FCHSD2: variants seen among roughly 807,000 people sequenced by gnomAD.
FCHSD2 encodes the protein FCH and double SH3 domains 2.
A neutral mutation model predicts 108.1 loss-of-function variants in FCHSD2; 38 were observed. That is an observed-to-expected ratio of 0.35 (90% CI 0.27 to 0.46). The LOEUF is 0.46. Among genes scored for constraint, FCHSD2 ranks in the 20% least tolerant of loss-of-function variants. FCHSD2 has a pLI of 1.00. For missense variants in FCHSD2, 751 were observed against 897.8 expected (o/e 0.84, Z 2.09); for synonymous variants, 279 against 314.7 (o/e 0.89, Z 1.20).
chr11:72,970,014 A>G (rs921182869), intron 8 of FCHSD2, among the ~76,000 whole-genome samples: 2 of 152,194 alleles, frequency 1.3e-5, no homozygotes, highest in African/African-American at 4.8e-5. Flanking sequence ...GTATTTTGTG[A>G]CATGATTACA....
At chr11:72,840,550 A>G (rs527897973) in intron 19 of FCHSD2, among the ~76,000 whole-genome samples, 1 of 152,340 alleles carries the variant, frequency 6.6e-6, no homozygotes, top group Admixed American at 6.5e-5. Flanking sequence ...AGAGGCCTGG[A>G]AAATTAAATG....
rs2135203930 is a variant in FCHSD2 at position 72,867,757 on chromosome 11, C to A, written c.1308+108G>T. The A allele has an allele frequency of 4.6e-6, 4 of 870,160 alleles. 1 individual carries two copies. The East Asian group carries it at 1.1e-4, about 24-fold the overall frequency. 53.9% of individuals were successfully genotyped at this position (870,160 alleles called of 1,614,324 possible). ...TGAAGAATAAAACCTAAATCACTAG[C>A]AAACTATTATCTTTTTAAAAAATTT... is the stretch of plus-strand genomic sequence containing the variant. On this transcript the variant is annotated intron_variant, in intron 13 of 19. Coordinates refer to ENST00000409418, the MANE Select transcript of FCHSD2 (RefSeq NM_014824.3).
At chr11:72,985,614 T>C (rs1857296103) in intron 6 of FCHSD2, among the ~76,000 whole-genome samples, 2 of 152,294 alleles carry the variant, frequency 1.3e-5, no homozygotes. Context: ...CCATTAAAAG[T>C]ACTTCTTGTT....
chr11:72,932,276 C>A (rs1233595262), intron 8 of FCHSD2, among the ~76,000 whole-genome samples: 1 of 152,182 alleles, frequency 6.6e-6, no homozygotes, highest in Non-Finnish European at 1.5e-5. Context: ...TCTTCTGTTG[C>A]CCTGCATCCA....
intron 3 of FCHSD2, among the ~76,000 whole-genome samples, chr11:73,038,467 A>G (rs2135460000): frequency 6.6e-6 from 1 of 152,280 alleles, no homozygotes; most frequent in Non-Finnish European, 1.5e-5. Context: ...AAGATCACTC[A>G]CCACTGATGG....
At position 72,870,761 on chromosome 11, in the gene FCHSD2, G is replaced by A. The variant is rs182264940; in HGVS notation, c.1147-2735C>T. Among the ~76,000 whole-genome samples, 666 of 151,912 alleles carry A rather than the reference G, an allele frequency of 4.4e-3. 4 individuals carry two copies. Among genetic ancestry groups the A allele is most frequent in the African/African-American group, 0.016 (647 of 41,482 alleles). ...TAAAAATACAAAAAATTAGCTGGGC[G>A]TGGTGGCGGGTGCCTGTAGTCCCAG... On this transcript the variant is annotated intron_variant, in intron 12 of 19. Transcript: ENST00000409418.
At chr11:73,028,108 C>T (rs1858271869) in intron 3 of FCHSD2, among the ~76,000 whole-genome samples, 1 of 152,200 alleles carries the variant, frequency 6.6e-6, no homozygotes, top group Non-Finnish European at 1.5e-5. Context: ...CTCACAGGGG[C>T]ACTGCCTACT....
At chr11:72,890,515 G>C (rs1219007412) in intron 10 of FCHSD2, among the ~76,000 whole-genome samples, 1 of 152,138 alleles carries the variant, frequency 6.6e-6, no homozygotes, top group Admixed American at 6.5e-5. Context: ...GGCTTCATAT[G>C]AAAGATAAGG....
intron 3 of FCHSD2, among the ~76,000 whole-genome samples, chr11:73,065,347 G>T (rs1859266731): frequency 6.6e-6 from 1 of 152,134 alleles, no homozygotes; most frequent in Admixed American, 6.5e-5. Context: ...GGTATCAATG[G>T]AATGTATCTC....
At chr11:72,879,331 G>A (rs1207968080) in intron 12 of FCHSD2, among the ~76,000 whole-genome samples, 1 of 152,028 alleles carries the variant, frequency 6.6e-6, no homozygotes. Flanking sequence ...GTCTTTATAA[G>A]AAGAAAATAG....
chr11:72,878,281 C>T (rs1263355849), intron 12 of FCHSD2, among the ~76,000 whole-genome samples: 1 of 152,004 alleles, frequency 6.6e-6, no homozygotes, highest in African/African-American at 2.4e-5. Flanking sequence ...TATATTGAGA[C>T]CCTGTCTCTA....
At chr11:73,029,397 C>G (rs1251508684) in intron 3 of FCHSD2, among the ~76,000 whole-genome samples, 2 of 152,102 alleles carry the variant, frequency 1.3e-5, no homozygotes, top group African/African-American at 4.8e-5. Context: ...CTTGCAACTC[C>G]CAGAGAAAGA....
chr11:72,886,606 C>T (rs766719793), intron 12 of FCHSD2, among the ~76,000 whole-genome samples: 2 of 152,102 alleles, frequency 1.3e-5, no homozygotes, highest in African/African-American at 2.4e-5. Flanking sequence ...TAAATGTCTA[C>T]CTCCATACCC....
chr11:73,061,518 G>A (rs530097851), intron 3 of FCHSD2, among the ~76,000 whole-genome samples: 3 of 152,290 alleles, frequency 2.0e-5, no homozygotes, highest in African/African-American at 2.4e-5. Flanking sequence ...ATGGGTCTGC[G>A]GGTCCCACCC....
At chr11:72,990,256 C>T (rs1857385789) in intron 5 of FCHSD2, among the ~76,000 whole-genome samples, 1 of 152,226 alleles carries the variant, frequency 6.6e-6, no homozygotes, top group Non-Finnish European at 1.5e-5. Flanking sequence ...TCAATAGAAA[C>T]CTGATGAGAA....
rs145279206 is a variant in FCHSD2, at chr11:72,966,548, C to G, written c.705+17540G>C. On this transcript the variant is annotated intron_variant, in intron 8 of 19. Transcript: ENST00000409418. ...CTTACTTGCCTGCATAGCTTCACTGCAAGCTCCCTGCAAAGAGACTGGTTT... is the reference window on the plus strand; with the variant it reads ...CTTACTTGCCTGCATAGCTTCACTGGAAGCTCCCTGCAAAGAGACTGGTTT... 9.9e-4 allele frequency among the ~76,000 whole-genome samples: 151 copies of G among 152,280 alleles called. 1 individual carries two copies. The highest frequency in any genetic ancestry group is 1.7e-3 in the Non-Finnish European group (116 of 68,016).
intron 14 of FCHSD2, among the ~76,000 whole-genome samples, chr11:72,846,923 ATAT>A (rs1279887597): frequency 3.3e-5 from 5 of 152,302 alleles, no homozygotes; most frequent in Middle Eastern, 3.4e-3. Context: ...AAGTTTCATA[ATAT>A]TATATGTTAT....
At chr11:73,061,990 C>T (rs1859176677) in intron 3 of FCHSD2, among the ~76,000 whole-genome samples, 1 of 152,148 alleles carries the variant, frequency 6.6e-6, no homozygotes, top group Admixed American at 6.5e-5. Flanking sequence ...CAAGTGGGTC[C>T]CTGACCCCTG....
intron 12 of FCHSD2, among the ~76,000 whole-genome samples, chr11:72,870,808 G>T (rs914503298): frequency 6.9e-6 from 1 of 145,642 alleles, no homozygotes; most frequent in Non-Finnish European, 1.5e-5. Flanking sequence ...GCTGAGGCAG[G>T]AGAATGGCGT....
Sources: allele counts gnomAD v4.1 joint callset (sites outside exome capture counted in the v4.1 genomes callset), GRCh38; gene constraint gnomAD v4.1.1; transcripts MANE v1.5; gene names NCBI Gene and HGNC (gene_info 2026-07-23, HGNC 2026-07-21).